VPS13A: variants seen among roughly 807,000 people sequenced by gnomAD.
VPS13A encodes the protein intermembrane lipid transfer protein VPS13A.
In VPS13A, 264 loss-of-function variants were observed where a neutral mutation model predicts 390.9. That is an observed-to-expected ratio of 0.68 (90% confidence interval 0.61 to 0.75). VPS13A has a LOEUF of 0.75. VPS13A is among the 30% of genes least tolerant of loss of function. The probability of loss-of-function intolerance (pLI) is 0.00; values close to 1 mark genes in which losing one functional copy is unlikely to be tolerated. For synonymous variants in VPS13A, 1,231 were observed against 1,227.1 expected (o/e 1.00, Z -0.07); for missense variants, 3,409 against 3,733.9 (o/e 0.91, Z 2.27).
chr9:77,304,194 T>G (rs186360436), intron 34 of VPS13A, among the ~76,000 whole-genome samples: 8,751 of 151,896 alleles, frequency 0.058, 368 homozygotes, highest in South Asian at 0.12. Context: ...AGTATACTGC[T>G]TGTAAACATT....
intron 29 of VPS13A, among the ~76,000 whole-genome samples, chr9:77,283,035 A>G (rs974633978): frequency 6.6e-6 from 1 of 152,090 alleles, no homozygotes; most frequent in African/African-American, 2.4e-5. Context: ...AAAAGTTGCA[A>G]TTTTGATAAT....
In VPS13A at chr9:77,206,029, A is replaced by G. The variant is rs758838089; in HGVS notation, c.335A>G (p.Gln112Arg). ...GAGAAACAACTCATGGAAGCAAAGC[A>G]ACAGGAACTGAAAAGAATAGAAGAA... is the stretch of plus-strand genomic sequence containing the variant. Reference protein sequence around the residue: ...KEEKQLMEAKQQELKRIEEAK... With the variant: ...KEEKQLMEAKRQELKRIEEAK... Residue 112 changes from glutamine to arginine, a missense_variant, in exon 5 of 72, where the codon CAA (glutamine) becomes CGA (arginine). Transcript: ENST00000360280. 1.7e-5 allele frequency: 27 copies of G among 1,585,346 alleles called. No individual in the cohort carries two copies. The South Asian group carries it at 2.8e-4, about 16-fold the overall frequency.
chr9:77,232,711 C>G (rs1421465769), intron 17 of VPS13A, among the ~76,000 whole-genome samples: 1 of 152,046 alleles, frequency 6.6e-6, no homozygotes, highest in African/African-American at 2.4e-5. Context: ...CAGGGGAGCT[C>G]CCTTTATAAA....
In VPS13A at chr9:77,316,415, A is replaced by T. The variant is rs749477051; in HGVS notation, c.4863+9A>T. ...AAGGCAAAATCACTACTGTGAGTTA[A>T]CTATTTGATCATCTGCTTAATTGTA... On this transcript the variant is annotated intron_variant, in intron 39 of 71. Transcript: ENST00000360280. The T allele has an allele frequency of 2.5e-6, 4 of 1,606,586 alleles. No individual in the cohort carries two copies. The highest frequency in any genetic ancestry group is 1.1e-5 in the South Asian group (1 of 90,942).
chr9:77,380,112 C>CTT, intron 67 of VPS13A, among the ~76,000 whole-genome samples: 1 of 151,722 alleles, frequency 6.6e-6, no homozygotes, highest in South Asian at 2.1e-4. Context: ...TTCTTTGTGT[C>CTT]TAATAAGAAT....
chr9:77,383,927 A>G (rs1221592326), intron 68 of VPS13A, among the ~76,000 whole-genome samples: 1 of 150,874 alleles, frequency 6.6e-6, no homozygotes, highest in African/African-American at 2.4e-5. Flanking sequence ...TCTTACAGGT[A>G]TAAAAAGTGG....
intron 34 of VPS13A, among the ~76,000 whole-genome samples, chr9:77,306,404 G>GTGTGTGTT (rs1554885508): frequency 7.1e-6 from 1 of 140,826 alleles, no homozygotes; most frequent in African/African-American, 2.7e-5. Context: ...GAGAGAGAGT[G>GTGTGTGTT]TGTGTGTGTT....
chr9:77,339,902 T>G lies in VPS13A; in HGVS notation c.6765T>G (p.Asn2255Lys). 1 of 1,610,824 alleles carries G rather than the reference T, an allele frequency of 6.2e-7. No homozygotes were observed. The highest frequency in any genetic ancestry group is 1.3e-5 in the African/African-American group (1 of 75,048). ...CTTTTCAGCCAAATCACTTTTTTAA[T>G]AACAATAAGGTATGCGATGTTTATT... ...LFSFQPNHFF[N>K]NNKVQLMVTD... The change falls in exon 48 of 72, where the codon AAT becomes AAG. Residue 2255 changes from asparagine to lysine, a missense_variant. Coordinates refer to ENST00000360280, the MANE Select transcript of VPS13A (RefSeq NM_033305.3).
intron 9 of VPS13A, among the ~76,000 whole-genome samples, chr9:77,214,114 A>G (rs1464665488): frequency 1.3e-5 from 2 of 151,956 alleles, no homozygotes; most frequent in East Asian, 1.9e-4. Context: ...TGTCTCTACT[A>G]AAAATACAAA....
rs777867962 is a variant in VPS13A, at chr9:77,368,145, A to G, written c.8553+9A>G. On this transcript the variant is annotated intron_variant, in intron 62 of 71. Coordinates refer to ENST00000360280, the MANE Select transcript of VPS13A (RefSeq NM_033305.3). The stretch of plus-strand genomic sequence containing the variant: ...GACACTATTCAAAACAGGTTTGTCT[A>G]AGATTATATTACAGAGGGACAGAGT... The G allele has an allele frequency of 8.7e-6, 14 of 1,606,008 alleles. No homozygotes were observed. The highest frequency in any genetic ancestry group is 4.0e-5 in the African/African-American group (3 of 74,796).
At chr9:77,318,714 A>T in intron 41 of VPS13A, 123 bp downstream of exon 41, 1 of 1,026,988 alleles carries the variant, frequency 9.7e-7, no homozygotes, top group East Asian at 2.6e-5. Flanking sequence ...TAAATATGAT[A>T]TTGGGTCAAA....
At chr9:77,352,632 TAGAA>T (rs1251229697) in intron 53 of VPS13A, among the ~76,000 whole-genome samples, 2 of 152,142 alleles carry the variant, frequency 1.3e-5, no homozygotes, top group Non-Finnish European at 2.9e-5. Context: ...TGTAAAATAT[TAGAA>T]AGACTTCAGT....
chr9:77,252,995 C>CA (rs772423493), intron 22 of VPS13A, among the ~76,000 whole-genome samples: 2 of 152,156 alleles, frequency 1.3e-5, no homozygotes, highest in African/African-American at 2.4e-5. Flanking sequence ...GGTGTATACT[C>CA]AGAAGTAGAA....
Position 77,339,918 on chromosome 9 carries a change from G to A in VPS13A, c.6774+7G>A, listed in dbSNP as rs368775109. 8 of 1,607,508 alleles carry A rather than the reference G, an allele frequency of 5.0e-6. No individual in the cohort carries two copies. Among genetic ancestry groups the A allele is most frequent in the South Asian group, 2.2e-5 (2 of 90,944 alleles). On this transcript the variant is annotated splice_region_variant and intron_variant, in intron 48 of 71. Transcript: ENST00000360280. ...CTTTTTTAATAACAATAAGGTATGC[G>A]ATGTTTATTCTGTTTTTCCCTTGTC...
chr9:77,198,732 C>T (rs986358941), intron 1 of VPS13A, among the ~76,000 whole-genome samples: 3 of 151,784 alleles, frequency 2.0e-5, no homozygotes, highest in East Asian at 1.9e-4. Flanking sequence ...GGCGTGATGT[C>T]GGCTCACTGC....
chr9:77,320,065 A>G (rs180683488), intron 42 of VPS13A, among the ~76,000 whole-genome samples: 82 of 152,246 alleles, frequency 5.4e-4, no homozygotes, highest in African/African-American at 1.8e-3. Flanking sequence ...TACTTGTTAC[A>G]TAATTTAGAA....
At chr9:77,195,335 A>G (rs1306779126) in intron 1 of VPS13A, among the ~76,000 whole-genome samples, 1 of 152,182 alleles carries the variant, frequency 6.6e-6, no homozygotes, top group Non-Finnish European at 1.5e-5. Context: ...CATGTTAGCC[A>G]GGATGGTCTC....
Position 77,306,410 on chromosome 9 carries a change from G to GTT in VPS13A, c.3961-1534_3961-1533insTT, listed in dbSNP as rs1269142820. Among the ~76,000 whole-genome samples the GTT allele has an allele frequency of 2.9e-3, 391 of 133,058 alleles. 4 individuals are homozygous for GTT. The highest frequency in any genetic ancestry group is 0.012 in the Middle Eastern group (3 of 258). 87.3% of individuals were successfully genotyped at this position (133,058 alleles called of 152,430 possible). ...AGAGAGAGAGAGAGAGAGTGTGTGT[G>GTT]TGTTTGTGTGTGTGTGTGTGTGTGT... On this transcript the variant is annotated intron_variant, in intron 34 of 71. Transcript: ENST00000360280.
chr9:77,327,590 T>G (rs1248815960), intron 45 of VPS13A, among the ~76,000 whole-genome samples: 1 of 151,882 alleles, frequency 6.6e-6, no homozygotes, highest in East Asian at 1.9e-4. Flanking sequence ...CAACTTGTTA[T>G]TATCTATTCC....
Sources: allele counts gnomAD v4.1 joint callset (sites outside exome capture counted in the v4.1 genomes callset), GRCh38; gene constraint gnomAD v4.1.1; transcripts MANE v1.5; gene names NCBI Gene and HGNC (gene_info 2026-07-23, HGNC 2026-07-21).